Variants in ESYT2 observed in about 807,000 individuals in gnomAD.
ESYT2 encodes the protein extended synaptotagmin 2, also known as extended synaptotagmin-2.
In ESYT2, 54 loss-of-function variants were observed where a neutral mutation model predicts 107.2. The ratio of observed to expected loss-of-function variants is 0.50; its 90% CI spans 0.40 to 0.63. The LOEUF is 0.63. Ranked by LOEUF, ESYT2 falls within the 30% of genes least tolerant of loss-of-function variation. The pLI is 0.00. For missense variants in ESYT2, 1,020 were observed against 1,094.5 expected, an observed-to-expected ratio of 0.93 and a Z score of 0.96; for synonymous variants, 491 against 434.1, an observed-to-expected ratio of 1.13 and a Z score of -1.63.
chr7:158,791,456 C>G (rs12670573), intron 4 of ESYT2, among the ~76,000 whole-genome samples: 39,012 of 152,096 alleles, frequency 0.26, 6,189 homozygotes, highest in East Asian at 0.55. Context: ...GGCGGGATTT[C>G]TGGATCACAT....
At chr7:158,809,755 T>C (rs1011164055) in intron 1 of ESYT2, among the ~76,000 whole-genome samples, 1 of 152,226 alleles carries the variant, frequency 6.6e-6, no homozygotes, top group Non-Finnish European at 1.5e-5. Context: ...GAAGAGACTG[T>C]AGCATACTCT....
At chr7:158,790,067 G>A (rs1839238116) in intron 4 of ESYT2, among the ~76,000 whole-genome samples, 2 of 141,616 alleles carry the variant, frequency 1.4e-5, no homozygotes, top group South Asian at 2.3e-4. Context: ...TGGGGGCGGA[G>A]CGTCCTCCTG....
chr7:158,759,003 T>C (rs952748689), intron 13 of ESYT2, among the ~76,000 whole-genome samples: 2 of 152,178 alleles, frequency 1.3e-5, no homozygotes, highest in African/African-American at 4.8e-5. Context: ...GCGAGAAACA[T>C]CCCAGGCACC....
chr7:158,756,831 C>T lies in ESYT2; in HGVS notation c.1419+2655G>A, dbSNP rs1366839181. ...GGCTGAGGCAGGAGAATCACTTGAA[C>T]ATGGGAGGTGGAGGTTGCAGTGAGC... On this transcript the variant is annotated intron_variant, in intron 13 of 22. Transcript: ENST00000275418. Among the ~76,000 whole-genome samples, 5 of 147,226 alleles carry T rather than the reference C, an allele frequency of 3.4e-5. No individual in the cohort carries two copies. The East Asian group carries it at 1.0e-3, about 30-fold the overall frequency.
At chr7:158,748,759 C>T (rs1441304523) in intron 15 of ESYT2, among the ~76,000 whole-genome samples, 4 of 150,036 alleles carry the variant, frequency 2.7e-5, no homozygotes, top group South Asian at 2.1e-4. Context: ...CTTGCTCTGT[C>T]GCCAGGCTGG....
At chr7:158,748,318 C>T in intron 15 of ESYT2, 38 bp from the exon 16 acceptor site, 1 of 1,528,568 alleles carries the variant, frequency 6.5e-7, no homozygotes, top group Non-Finnish European at 9.1e-7. Context: ...CTGATATTTT[C>T]TGTGGAAAAG....
chr7:158,763,352 T>C (rs1282097175), intron 9 of ESYT2, among the ~76,000 whole-genome samples, 187 bp from the exon 10 acceptor site: 1 of 152,150 alleles, frequency 6.6e-6, no homozygotes, highest in Non-Finnish European at 1.5e-5. Context: ...TGGAGTGCAG[T>C]GGCACAATCT....
intron 14 of ESYT2, among the ~76,000 whole-genome samples, chr7:158,750,763 G>T (rs1837559210): frequency 6.6e-6 from 1 of 152,122 alleles, no homozygotes; most frequent in South Asian, 2.1e-4. Flanking sequence ...CCAAGTTTTA[G>T]CTGAGCACAA....
intron 1 of ESYT2, among the ~76,000 whole-genome samples, chr7:158,819,235 C>T (rs963088478): frequency 4.6e-5 from 7 of 152,202 alleles, no homozygotes; most frequent in Non-Finnish European, 7.3e-5. Flanking sequence ...CACTGCCTTC[C>T]AAGGCCAGAC....
In ESYT2 at chr7:158,823,294, CAAAAAAAAAAAAAA is replaced by C. The variant is rs1173735798; in HGVS notation, c.330+5781_330+5794del. 3.4e-3 allele frequency among the ~76,000 whole-genome samples: 100 copies of C among 29,818 alleles called. 1 individual carries two copies. Among genetic ancestry groups the C allele is most frequent in the African/African-American group, 7.8e-3 (81 of 10,446 alleles). The allele number at this position is 29,818 out of a possible 152,430, so 19.6% of individuals were successfully genotyped here. ...TGGGCGACAGAGTGAGACTCTGTCTCAAAAAAAAAAAAAAAAAAAAAAAAAAAGACATTGGATTT... is the reference window on the plus strand; with the variant it reads ...TGGGCGACAGAGTGAGACTCTGTCTCAAAAAAAAAAAAAGACATTGGATTT... On this transcript the variant is annotated intron_variant, in intron 1 of 22. Coordinates refer to ENST00000275418, the MANE Select transcript of ESYT2 (RefSeq NM_001367773.1).
chr7:158,823,965 T>C (rs1840365798), intron 1 of ESYT2, among the ~76,000 whole-genome samples: 1 of 152,230 alleles, frequency 6.6e-6, no homozygotes, highest in South Asian at 2.1e-4. Flanking sequence ...AAATGTAGAA[T>C]GATAATAATA....
intron 9 of ESYT2, 57 bp from the exon 10 acceptor site, chr7:158,763,222 A>T: frequency 1.2e-5 from 14 of 1,199,522 alleles, no homozygotes; most frequent in Middle Eastern, 2.0e-4. Context: ...TCATACACTG[A>T]GTATGATATG....
chr7:158,749,469 G>A (rs1378682165), intron 15 of ESYT2, among the ~76,000 whole-genome samples, 180 bp downstream of exon 15: 1 of 152,168 alleles, frequency 6.6e-6, no homozygotes, highest in African/African-American at 2.4e-5. Context: ...ATTTCAAGTA[G>A]CTGGTTATCT....
At chr7:158,756,433 C>T (rs1837758857) in intron 13 of ESYT2, among the ~76,000 whole-genome samples, 1 of 152,222 alleles carries the variant, frequency 6.6e-6, no homozygotes, top group Admixed American at 6.5e-5. Flanking sequence ...GAATCACAAA[C>T]TTAATATACT....
chr7:158,782,356 G>A (rs1412997149), intron 6 of ESYT2, among the ~76,000 whole-genome samples: 1 of 135,362 alleles, frequency 7.4e-6, no homozygotes, highest in African/African-American at 2.9e-5. Flanking sequence ...GTGTAAGAAC[G>A]TGAGTGAACG....
At chr7:158,756,906 T>C (rs1172579724) in intron 13 of ESYT2, among the ~76,000 whole-genome samples, 2 of 110,514 alleles carry the variant, frequency 1.8e-5, no homozygotes, top group African/African-American at 7.8e-5. Context: ...CAAAACTCCA[T>C]CTCAAATTAA....
rs1840550137 is a variant in ESYT2 at position 158,829,076 on chromosome 7, G to A, written c.330+13C>T. On this transcript the variant is annotated intron_variant, in intron 1 of 22. Transcript: ENST00000275418. Reference sequence around the variant, plus strand: ...GTGGTCAGGGGTCGGGACGGGCAGGGGTCTGCACTCACCCAGGCGGGCAGG... The same window carrying A: ...GTGGTCAGGGGTCGGGACGGGCAGGAGTCTGCACTCACCCAGGCGGGCAGG... 1.3e-6 allele frequency: 2 copies of A among 1,583,830 alleles called. No homozygotes were observed. Among genetic ancestry groups the A allele is most frequent in the Non-Finnish European group, 1.7e-6 (2 of 1,174,100 alleles).
At chr7:158,805,341 A>C (rs1048760809) in intron 1 of ESYT2, among the ~76,000 whole-genome samples, 3 of 152,190 alleles carry the variant, frequency 2.0e-5, no homozygotes, top group African/African-American at 7.2e-5. Flanking sequence ...ATTAAATGGT[A>C]TTTTTTTCAA....
At chr7:158,823,294 CAAAAAAAAAAAA>C (rs1173735798) in intron 1 of ESYT2, among the ~76,000 whole-genome samples, 9 of 29,810 alleles carry the variant, frequency 3.0e-4, no homozygotes, top group Middle Eastern at 0.04. Flanking sequence ...GACTCTGTCT[CAAAAAAAAAAAA>C]AAAAAAAAAA....
Sources: gnomAD v4.1 joint callset for allele counts (sites outside exome capture counted in the v4.1 genomes callset) on GRCh38, gnomAD v4.1.1 for gene constraint, MANE v1.5 for transcripts, NCBI Gene and HGNC (gene_info 2026-07-23, HGNC 2026-07-21) for gene names.